PIK3CD: variants seen among roughly 807,000 people sequenced by gnomAD.
PIK3CD encodes phosphatidylinositol 4,5-bisphosphate 3-kinase catalytic subunit delta isoform.
Under a neutral mutation model 122.9 loss-of-function variants are expected in PIK3CD, and 20 were observed. The ratio of observed to expected loss-of-function variants is 0.16; its 90% CI spans 0.11 to 0.24. The LOEUF (loss-of-function observed/expected upper bound fraction) is 0.24. Ranked by LOEUF, PIK3CD falls within the 10% of genes least tolerant of loss-of-function variation. PIK3CD has a pLI of 1.00. For missense variants in PIK3CD, 787 were observed against 1,406.3 expected, an observed-to-expected ratio of 0.56 and a Z score of 7.04; for synonymous variants, 596 against 593.4, an observed-to-expected ratio of 1.00 and a Z score of -0.06.
At chr1:9,713,930 G>A (rs972598802) in intron 3 of PIK3CD, among the ~76,000 whole-genome samples, 5 of 150,622 alleles carry the variant, frequency 3.3e-5, no homozygotes, top group Admixed American at 2.0e-4. Context: ...ACAGCTCATG[G>A]CAGCCTCAAC....
chr1:9,720,853 G>A lies in PIK3CD; in HGVS notation c.1633G>A (p.Ala545Thr), dbSNP rs759640288. The change falls in exon 13 of 24, where the codon GCG becomes ACG. Residue 545 changes from alanine to threonine, a missense_variant. Ala to Thr is a moderately conservative substitution (Grantham distance 58). Coordinates refer to ENST00000377346, the MANE Select transcript of PIK3CD (RefSeq NM_005026.5). The surrounding 1 kb of genome is among the most constrained non-coding windows in gnomAD (Gnocchi z 9.0). Reference sequence around the variant, plus strand: ...TGAAGTCCAGGAGCACTTCCCGGAGGCGCTAGCCCGGCTGCTGCTGGTCAC... The same window carrying A: ...TGAAGTCCAGGAGCACTTCCCGGAGACGCTAGCCCGGCTGCTGCTGGTCAC... ...RHEVQEHFPE[A>T]LARLLLVTKW... The A allele has an allele frequency of 1.2e-6, 2 of 1,610,896 alleles. No homozygotes were observed. The highest frequency in any genetic ancestry group is 1.1e-5 in the South Asian group (1 of 90,514).
chr1:9,670,486 G>A (rs1645289818), intron 1 of PIK3CD, among the ~76,000 whole-genome samples: 1 of 152,208 alleles, frequency 6.6e-6, no homozygotes, highest in Non-Finnish European at 1.5e-5. Context: ...AGCATTAAAA[G>A]CAAGAGTTTT....
At chr1:9,678,454 C>G (rs562333164) in intron 1 of PIK3CD, among the ~76,000 whole-genome samples, 1 of 151,954 alleles carries the variant, frequency 6.6e-6, no homozygotes, top group South Asian at 2.1e-4. Context: ...ACCCTGTCTC[C>G]AAAAAAGAAA....
chr1:9,650,788 A>G (rs1167425663), upstream of PIK3CD, among the ~76,000 whole-genome samples: 2 of 152,160 alleles, frequency 1.3e-5, no homozygotes, highest in African/African-American at 4.8e-5. Context: ...AGGTAAGAAA[A>G]GTTAGCTCTG....
the PIK3CD span, among the ~76,000 whole-genome samples, chr1:9,634,146 G>GTT: frequency 1.1e-4 from 13 of 116,670 alleles, no homozygotes; most frequent in African/African-American, 4.6e-4. Context: ...TAATTTTTGG[G>GTT]TTGTTTTTTT....
At chr1:9,707,872 C>G (rs1161564459) in intron 2 of PIK3CD, among the ~76,000 whole-genome samples, 2 of 151,148 alleles carry the variant, frequency 1.3e-5, no homozygotes, top group African/African-American at 4.9e-5. Flanking sequence ...CGGCTCACTG[C>G]AAGCTCTGCC....
chr1:9,716,155 A>G (rs1647387603), intron 5 of PIK3CD, 77 bp downstream of exon 5: 1 of 1,215,228 alleles, frequency 8.2e-7, no homozygotes, highest in East Asian at 2.5e-5. Flanking sequence ...CTCCTCAGTC[A>G]TCCGCAAGCC....
chr1:9,632,050 T>C, the PIK3CD span, among the ~76,000 whole-genome samples: 2 of 151,782 alleles, frequency 1.3e-5, no homozygotes, highest in Non-Finnish European at 2.9e-5. Context: ...TTTGCTCTTG[T>C]TGCCCAGGCT....
At chr1:9,714,470 G>A (rs1289923557) in intron 3 of PIK3CD, among the ~76,000 whole-genome samples, 2 of 152,118 alleles carry the variant, frequency 1.3e-5, no homozygotes, top group East Asian at 3.9e-4. Context: ...GCTCACCCCT[G>A]GTCTATGTTA....
At chr1:9,638,736 A>AAAG in the PIK3CD span, among the ~76,000 whole-genome samples, 2 of 150,362 alleles carry the variant, frequency 1.3e-5, no homozygotes. Flanking sequence ...CTTCTCAAAA[A>AAAG]AAAAAAAAAA....
At position 9,722,753 on chromosome 1, in the gene PIK3CD, A is replaced by C; in HGVS notation, c.2426+147A>C. ...GAAGACCCGGAGGCGGTTTAACTCT[A>C]GGCCAGGAGGCGGCGGGCAGCAGGA... On this transcript the variant is annotated intron_variant, in intron 19 of 23. Transcript: ENST00000377346. This position sits in a 1 kb window ranked among gnomAD's most constrained non-coding sequence, Gnocchi z 7.6. 1 of 737,562 alleles carries C rather than the reference A, an allele frequency of 1.4e-6. No individual in the cohort carries two copies. The highest frequency in any genetic ancestry group is 2.7e-5 in the East Asian group (1 of 37,224). The allele number at this position is 737,562 out of a possible 1,614,324, so 45.7% of individuals were successfully genotyped here. A position where few individuals can be genotyped will look rare whatever the true frequency, so the allele number is the denominator to read the frequency against.
At chr1:9,669,494 G>A (rs965149948) in intron 1 of PIK3CD, among the ~76,000 whole-genome samples, 1 of 152,192 alleles carries the variant, frequency 6.6e-6, no homozygotes, top group Non-Finnish European at 1.5e-5. Context: ...GACAGGAATT[G>A]TAGGTAAAAT....
intron 1 of PIK3CD, among the ~76,000 whole-genome samples, chr1:9,675,402 A>G (rs1303045934): frequency 6.6e-6 from 1 of 151,606 alleles, no homozygotes; most frequent in African/African-American, 2.4e-5. Context: ...AAAAAAAAAA[A>G]AAAAAAGACA....
At chr1:9,631,942 T>C in the PIK3CD span, among the ~76,000 whole-genome samples, 2 of 152,182 alleles carry the variant, frequency 1.3e-5, no homozygotes, top group Admixed American at 6.5e-5. Flanking sequence ...AGAGCTGCCA[T>C]CTTCATCTGA....
At chr1:9,640,883 G>GC in the PIK3CD span, among the ~76,000 whole-genome samples, 1 of 152,004 alleles carries the variant, frequency 6.6e-6, no homozygotes, top group Non-Finnish European at 1.5e-5. Context: ...TGCCACCACT[G>GC]CCCAGGGCCT....
rs1416532991 is a variant in PIK3CD at position 9,728,887 on chromosome 1, T to TTGAAA, written c.*1845_*1849dup. The stretch of plus-strand genomic sequence containing the variant: ...GTTGAGACCAGCACTCTGTGAAACC[T>TTGAAA]TGAAATGAGAAGTAAAGGCAGATGA... On this transcript the variant is annotated 3_prime_UTR_variant, in exon 24 of 24. Transcript: ENST00000377346. 1 of 152,224 alleles carries TTGAAA rather than the reference T, an allele frequency of 6.6e-6. No individual in the cohort carries two copies. The highest frequency in any genetic ancestry group is 1.5e-5 in the Non-Finnish European group (1 of 68,044). 9.4% of individuals were successfully genotyped at this position (152,224 alleles called of 1,614,324 possible). A position where few individuals can be genotyped will look rare whatever the true frequency, so the allele number is the denominator to read the frequency against.
In PIK3CD at chr1:9,700,678, T is replaced by TC. The variant is rs1455096926; in HGVS notation, c.-33+9112dup. On this transcript the variant is annotated intron_variant, in intron 2 of 23. Transcript: ENST00000377346. This position sits in a 1 kb window ranked among gnomAD's most constrained non-coding sequence, Gnocchi z 5.1. Reference sequence around the variant, plus strand: ...GTAGCCTGCTGACTCCACAGATCTGTCCCCCGCCCTCCCACCTGGGGAGTT... The same window carrying TC: ...GTAGCCTGCTGACTCCACAGATCTGTCCCCCCGCCCTCCCACCTGGGGAGTT... Among the ~76,000 whole-genome samples, 1 of 152,014 alleles carries TC rather than the reference T, an allele frequency of 6.6e-6. No individual in the cohort carries two copies. The highest frequency in any genetic ancestry group is 1.5e-5 in the Non-Finnish European group (1 of 67,996).
At chr1:9,681,490 C>A (rs908844438) in intron 1 of PIK3CD, among the ~76,000 whole-genome samples, 1 of 152,220 alleles carries the variant, frequency 6.6e-6, no homozygotes, top group Admixed American at 6.5e-5. Flanking sequence ...TCTCGGCTCA[C>A]TGCAACCTCC....
rs539163509 is a variant in PIK3CD, at chr1:9,726,279, C to T, written c.2998-630C>T. Among the ~76,000 whole-genome samples the T allele has an allele frequency of 5.3e-5, 8 of 152,100 alleles. No individual in the cohort carries two copies. In the East Asian group the frequency reaches 1.4e-3, roughly 26 times the overall value. The stretch of plus-strand genomic sequence containing the variant: ...AACCCAGCACTTTGGGAGGCCAAGG[C>T]GGGTGAATCATGAGGTCAGGAGATC... On this transcript the variant is annotated intron_variant, in intron 23 of 23. Coordinates refer to ENST00000377346, the MANE Select transcript of PIK3CD (RefSeq NM_005026.5).
Sources: allele counts gnomAD v4.1 joint callset (sites outside exome capture counted in the v4.1 genomes callset), GRCh38; gene constraint gnomAD v4.1.1; non-coding constraint Gnocchi (gnomAD v3.1); transcripts MANE v1.5; gene names NCBI Gene and HGNC (gene_info 2026-07-23, HGNC 2026-07-21).